GTF2I: variants seen among roughly 807,000 people sequenced by gnomAD.
GTF2I encodes the protein general transcription factor II-I.
A neutral mutation model predicts 67.6 loss-of-function variants in GTF2I; 12 were observed. That is an observed-to-expected ratio of 0.18 (90% CI 0.11 to 0.29). The LOEUF (loss-of-function observed/expected upper bound fraction) is 0.29. Among genes scored for constraint, GTF2I ranks in the 10% least tolerant of loss-of-function variants. GTF2I has a pLI of 1.00. For missense variants in GTF2I, 271 were observed against 580.1 expected (o/e 0.47, Z 5.47); for synonymous variants, 149 against 197.0 (o/e 0.76, Z 2.04).
chr7:74,665,408 C>T (rs1386183814), intron 1 of GTF2I, among the ~76,000 whole-genome samples: 2 of 152,030 alleles, frequency 1.3e-5, no homozygotes, highest in African/African-American at 2.4e-5. Flanking sequence ...TGCGCCACCA[C>T]ACCTGGCTAA....
chr7:74,704,952 A>G (rs1790420481), intron 6 of GTF2I, among the ~76,000 whole-genome samples: 3 of 148,654 alleles, frequency 2.0e-5, no homozygotes, highest in South Asian at 4.3e-4. Context: ...GACAAATGGT[A>G]TGTTTCTGCA....
intron 1 of GTF2I, among the ~76,000 whole-genome samples, chr7:74,659,420 C>A (rs940466516): frequency 1.3e-5 from 2 of 151,454 alleles, no homozygotes; most frequent in African/African-American, 2.4e-5. Context: ...GATGGAGTCT[C>A]ACTCTGTGGC....
chr7:74,671,066 G>A (rs1221240612), intron 1 of GTF2I, among the ~76,000 whole-genome samples: 1 of 143,404 alleles, frequency 7.0e-6, no homozygotes, highest in Non-Finnish European at 1.5e-5. Context: ...GTGATCCACT[G>A]ATTGGGCAGA....
At chr7:74,671,682 T>C (rs1554390720) in intron 1 of GTF2I, among the ~76,000 whole-genome samples, 1 of 152,058 alleles carries the variant, frequency 6.6e-6, no homozygotes, top group Non-Finnish European at 1.5e-5. Flanking sequence ...CATACGCCCC[T>C]AGAAAAATTT....
intron 1 of GTF2I, among the ~76,000 whole-genome samples, chr7:74,668,173 C>CTTTT (rs781864782): frequency 3.6e-4 from 33 of 92,948 alleles, no homozygotes; most frequent in South Asian, 7.8e-4. Flanking sequence ...TGGTGCAGAA[C>CTTTT]TTTTTTTTTT....
intron 10 of GTF2I, 30 bp downstream of exon 10, chr7:74,714,946 A>G: frequency 7.2e-7 from 1 of 1,387,068 alleles, no homozygotes; most frequent in Non-Finnish European, 1.0e-6. Flanking sequence ...ATTCTCCCAC[A>G]TACTGCTTGT....
At chr7:74,667,601 C>T (rs1418641071) in intron 1 of GTF2I, among the ~76,000 whole-genome samples, 3 of 151,716 alleles carry the variant, frequency 2.0e-5, no homozygotes, top group Non-Finnish European at 4.4e-5. Context: ...CTGTAACCTT[C>T]GTGTCCTAGG....
intron 12 of GTF2I, among the ~76,000 whole-genome samples, chr7:74,724,975 T>C (rs1554405391): frequency 6.6e-6 from 1 of 152,150 alleles, no homozygotes; most frequent in Non-Finnish European, 1.5e-5. Context: ...AAGCTTTACA[T>C]TTTGATTATG....
intron 23 of GTF2I, among the ~76,000 whole-genome samples, chr7:74,747,792 C>CAA (rs4028287): frequency 4.1e-3 from 146 of 35,292 alleles, no homozygotes; most frequent in African/African-American, 0.013. Flanking sequence ...AACTTTGTCT[C>CAA]AAAAAAAAAA....
intron 1 of GTF2I, among the ~76,000 whole-genome samples, chr7:74,670,551 A>G (rs587726917): frequency 6.6e-6 from 1 of 152,170 alleles, no homozygotes; most frequent in Admixed American, 6.6e-5. Context: ...ACAAAAAATT[A>G]GCCAGGTGTG....
chr7:74,663,334 G>A (rs1252301950), intron 1 of GTF2I, among the ~76,000 whole-genome samples: 1 of 152,148 alleles, frequency 6.6e-6, no homozygotes, highest in Non-Finnish European at 1.5e-5. Context: ...GGCCCAGGCT[G>A]GAGTGCAGTG....
At chr7:74,688,860 C>G (rs1292689796) in intron 1 of GTF2I, 5 of 371,072 alleles carry the variant, frequency 1.3e-5, no homozygotes, top group Admixed American at 8.5e-5. Context: ...AGAAATTTCA[C>G]TGATTCTGGG....
chr7:74,665,193 C>T (rs587656106), intron 1 of GTF2I, among the ~76,000 whole-genome samples: 2 of 151,988 alleles, frequency 1.3e-5, no homozygotes, highest in African/African-American at 4.8e-5. Flanking sequence ...CCACCCGCCT[C>T]GGCCTCCCAA....
At chr7:74,659,230 CT>C (rs782436006) in intron 1 of GTF2I, among the ~76,000 whole-genome samples, 183 of 144,730 alleles carry the variant, frequency 1.3e-3, no homozygotes, top group Admixed American at 1.4e-3. Context: ...GCTTAATTTT[CT>C]TTTTTTTTTT....
At chr7:74,683,854 C>G (rs1387715322) in intron 1 of GTF2I, among the ~76,000 whole-genome samples, 2 of 151,928 alleles carry the variant, frequency 1.3e-5, no homozygotes, top group African/African-American at 4.8e-5. Flanking sequence ...CTCCTTCCCC[C>G]CACCAAAGAA....
intron 1 of GTF2I, among the ~76,000 whole-genome samples, chr7:74,672,162 ATTTC>A (rs1490866153): frequency 5.3e-5 from 8 of 152,056 alleles, no homozygotes. Context: ...CTTTGGCTCT[ATTTC>A]TTATCTGCTG....
intron 1 of GTF2I, among the ~76,000 whole-genome samples, chr7:74,685,148 A>G (rs1240383426): frequency 6.6e-6 from 1 of 152,242 alleles, no homozygotes; most frequent in East Asian, 1.9e-4. Flanking sequence ...ACCCTATGCA[A>G]GCATCTGTGG....
chr7:74,712,442 C>T (rs755764848), intron 9 of GTF2I, among the ~76,000 whole-genome samples: 42 of 150,228 alleles, frequency 2.8e-4, no homozygotes, highest in Admixed American at 1.9e-3. Flanking sequence ...TGAGAATTGT[C>T]CTTCCTGATG....
intron 6 of GTF2I, among the ~76,000 whole-genome samples, chr7:74,703,721 T>C (rs587696466): frequency 6.6e-6 from 1 of 152,344 alleles, no homozygotes; most frequent in Admixed American, 6.5e-5. Flanking sequence ...AACCATTGCG[T>C]AAACCCAAAG....
Sources: allele counts gnomAD v4.1 joint callset (sites outside exome capture counted in the v4.1 genomes callset), GRCh38; gene constraint gnomAD v4.1.1; transcripts MANE v1.5; gene names NCBI Gene and HGNC (gene_info 2026-07-23, HGNC 2026-07-21).